Variants in PDE7B observed in about 807,000 individuals in gnomAD.
PDE7B encodes phosphodiesterase 7B, also known as 3',5'-cyclic-AMP phosphodiesterase 7B.
A neutral mutation model predicts 56.2 loss-of-function variants in PDE7B; 29 were observed. That is an observed-to-expected ratio of 0.52 (90% CI 0.38 to 0.70). The LOEUF (loss-of-function observed/expected upper bound fraction) is 0.70, where lower values mean the gene tolerates loss of function less well. PDE7B is among the 30% of genes least tolerant of loss of function. The pLI, the probability that PDE7B is intolerant of heterozygous loss-of-function variation, is 0.00. For synonymous variants in PDE7B, 197 were observed against 196.9 expected, an observed-to-expected ratio of 1.00 and a Z score of 0.00; for missense variants, 490 against 565.0, an observed-to-expected ratio of 0.87 and a Z score of 1.35.
chr6:136,066,527 A>G (rs1776939239), intron 2 of PDE7B, among the ~76,000 whole-genome samples: 1 of 152,250 alleles, frequency 6.6e-6, no homozygotes, highest in Admixed American at 6.5e-5. Context: ...TGAAATAGGC[A>G]TAGCCTGGGC....
At chr6:136,079,188 A>T (rs113962923) in intron 2 of PDE7B, among the ~76,000 whole-genome samples, 84 of 152,226 alleles carry the variant, frequency 5.5e-4, no homozygotes, top group Middle Eastern at 3.4e-3. Context: ...AAAGTCAAAA[A>T]ACTGTAAATC....
At chr6:135,854,867 A>G (rs1774997043) in intron 1 of PDE7B, among the ~76,000 whole-genome samples, 1 of 152,254 alleles carries the variant, frequency 6.6e-6, no homozygotes, top group South Asian at 2.1e-4. Context: ...CCTATTATGT[A>G]CCAGGCATTG....
At chr6:136,067,331 G>A (rs1312147335) in intron 2 of PDE7B, among the ~76,000 whole-genome samples, 1 of 152,146 alleles carries the variant, frequency 6.6e-6, no homozygotes, top group African/African-American at 2.4e-5. Context: ...CCAATTCTAA[G>A]TGAGACTTTA....
chr6:135,870,434 ATG>A (rs142590011), intron 1 of PDE7B, among the ~76,000 whole-genome samples: 16 of 149,852 alleles, frequency 1.1e-4, no homozygotes, highest in South Asian at 2.1e-4. Context: ...TAAGGATTAA[ATG>A]TGTGTGTGTG....
intron 2 of PDE7B, among the ~76,000 whole-genome samples, chr6:135,962,033 C>A (rs1361638285): frequency 6.6e-6 from 1 of 152,066 alleles, no homozygotes; most frequent in African/African-American, 2.4e-5. Flanking sequence ...TCAATTATAA[C>A]AAATGGACCA....
At chr6:136,010,357 C>T (rs1775870312) in intron 2 of PDE7B, among the ~76,000 whole-genome samples, 1 of 147,040 alleles carries the variant, frequency 6.8e-6, no homozygotes, top group Non-Finnish European at 1.5e-5. Flanking sequence ...GGGGGTATGG[C>T]TAGGCATTGG....
Position 136,192,357 on chromosome 6 carries a change from C to A in PDE7B, c.*517C>A, listed in dbSNP as rs1289946787. 5.3e-5 allele frequency: 8 copies of A among 152,016 alleles called. No individual in the cohort carries two copies. The highest frequency in any genetic ancestry group is 1.9e-4 in the African/African-American group (8 of 41,404). The allele number at this position is 152,016 out of a possible 1,614,324, so 9.4% of individuals were successfully genotyped here. On this transcript the variant is annotated 3_prime_UTR_variant, in exon 13 of 13. Transcript: ENST00000308191. ...TAATATTATTATAAAAATAATAAATCTTTTTAACTTTTATATTTTATGCAC... is the reference window on the plus strand; with the variant it reads ...TAATATTATTATAAAAATAATAAATATTTTTAACTTTTATATTTTATGCAC...
intron 2 of PDE7B, among the ~76,000 whole-genome samples, chr6:136,080,143 C>G (rs1041112802): frequency 2.6e-5 from 4 of 152,182 alleles, no homozygotes; most frequent in Admixed American, 6.6e-5. Context: ...CCCTCTCCCC[C>G]TTTTGGGTTC....
chr6:136,042,372 T>C (rs1015194330), intron 2 of PDE7B, among the ~76,000 whole-genome samples: 3 of 152,238 alleles, frequency 2.0e-5, no homozygotes, highest in African/African-American at 7.2e-5. Context: ...TTGTTCTTAG[T>C]TGAATAAATA....
At chr6:135,906,029 A>G (rs1008461146) in intron 1 of PDE7B, among the ~76,000 whole-genome samples, 5 of 152,088 alleles carry the variant, frequency 3.3e-5, no homozygotes, top group Non-Finnish European at 7.4e-5. Context: ...GGTTTTTTCA[A>G]TTGGACGCTG....
intron 3 of PDE7B, among the ~76,000 whole-genome samples, chr6:136,123,848 T>C (rs1050400720): frequency 3.3e-5 from 5 of 152,202 alleles, no homozygotes; most frequent in African/African-American, 1.2e-4. Context: ...CCACCTGAGA[T>C]TTTGAAAATA....
At chr6:136,101,274 C>T (rs1777557060) in intron 2 of PDE7B, among the ~76,000 whole-genome samples, 1 of 152,162 alleles carries the variant, frequency 6.6e-6, no homozygotes, top group South Asian at 2.1e-4. Flanking sequence ...TGATGCTGGC[C>T]TCATAAAATG....
intron 1 of PDE7B, among the ~76,000 whole-genome samples, chr6:135,934,893 A>T (rs1253565084): frequency 1.9e-5 from 2 of 106,810 alleles, no homozygotes; most frequent in African/African-American, 8.5e-5. Flanking sequence ...ATTTAAATAT[A>T]TATTTAAATA....
At chr6:135,892,352 C>T (rs1394701054) in intron 1 of PDE7B, among the ~76,000 whole-genome samples, 3 of 152,088 alleles carry the variant, frequency 2.0e-5, no homozygotes, top group Admixed American at 6.6e-5. Flanking sequence ...CTTCAAGTAC[C>T]TTCCCAAGTG....
chr6:135,962,127 A>G (rs1426934817), intron 2 of PDE7B, among the ~76,000 whole-genome samples: 1 of 152,136 alleles, frequency 6.6e-6, no homozygotes, highest in African/African-American at 2.4e-5. Flanking sequence ...CTTCCTCTCA[A>G]TTTTGCCCTA....
chr6:136,147,462 C>G lies in PDE7B; in HGVS notation c.278C>G (p.Pro93Arg). Residue 93 changes from proline (P) to arginine (R), a missense_variant, in exon 4 of 13, where the codon CCT becomes CGT. Pro to Arg is a moderately radical substitution (Grantham distance 103). Transcript: ENST00000308191. Reference protein sequence around the residue: ...RLLRGIIPQAPLHLLDEDYLG... With the variant: ...RLLRGIIPQARLHLLDEDYLG... Reference sequence around the variant, plus strand: ...CTTCGTGGAATTATACCACAAGCCCCTCTGCACCTGCTGGATGAAGACTAC... The same window carrying G: ...CTTCGTGGAATTATACCACAAGCCCGTCTGCACCTGCTGGATGAAGACTAC... 6.2e-7 allele frequency: 1 copy of G among 1,613,942 alleles called. No individual in the cohort carries two copies. Among genetic ancestry groups the G allele is most frequent in the South Asian group, 1.1e-5 (1 of 91,070 alleles).
chr6:136,164,842 GTTAAA>G (rs1248209321), intron 8 of PDE7B, among the ~76,000 whole-genome samples: 6 of 152,090 alleles, frequency 3.9e-5, no homozygotes, highest in African/African-American at 1.4e-4. Context: ...TAAATAATAA[GTTAAA>G]TTATTCATGT....
intron 1 of PDE7B, among the ~76,000 whole-genome samples, chr6:135,898,884 T>A (rs991902362): frequency 6.6e-6 from 1 of 152,148 alleles, no homozygotes; most frequent in Admixed American, 6.6e-5. Context: ...TTTTGATACA[T>A]GTTACCAAAT....
chr6:135,868,020 T>TA (rs1004997750), intron 1 of PDE7B, among the ~76,000 whole-genome samples: 3 of 152,132 alleles, frequency 2.0e-5, no homozygotes, highest in African/African-American at 4.8e-5. Flanking sequence ...TGTGTTGAAT[T>TA]AAAAAAAATT....
Sources: allele counts gnomAD v4.1 joint callset (sites outside exome capture counted in the v4.1 genomes callset), GRCh38; gene constraint gnomAD v4.1.1; transcripts MANE v1.5; gene names NCBI Gene and HGNC (gene_info 2026-07-23, HGNC 2026-07-21).